MBD5: variants seen among roughly 807,000 people sequenced by gnomAD.
MBD5 encodes the protein methyl-CpG binding domain protein 5, also known as methyl-CpG-binding domain protein 5.
A neutral mutation model predicts 117.3 loss-of-function variants in MBD5; 13 were observed. The observed-to-expected ratio is 0.11, with a 90% CI of 0.07 to 0.18. MBD5 has a LOEUF of 0.18. Among genes scored for constraint, MBD5 ranks in the 10% least tolerant of loss-of-function variants. The pLI is 1.00. For missense variants in MBD5, 1,879 were observed against 2,093.8 expected (o/e 0.90, Z 2.00); for synonymous variants, 727 against 766.4 (o/e 0.95, Z 0.85).
chr2:148,029,797 T>G (rs775686529), intron 1 of MBD5, among the ~76,000 whole-genome samples: 5 of 151,776 alleles, frequency 3.3e-5, no homozygotes, highest in African/African-American at 7.3e-5. Flanking sequence ...CTTGAATGAC[T>G]AAATCTACAC....
intron 1 of MBD5, among the ~76,000 whole-genome samples, chr2:148,153,971 C>T (rs1240127240): frequency 8.8e-5 from 11 of 125,618 alleles, no homozygotes; most frequent in South Asian, 6.4e-4. Context: ...AGCTTTGTTC[C>T]GTTGCTGGTG....
rs1231533222 is a variant in MBD5, at chr2:148,222,071, G to A, written c.-830-11174G>A. On this transcript the variant is annotated intron_variant, in intron 2 of 13. Transcript: ENST00000642680. ...TTTGTTGAAAATGAGTTTACTGTAG[G>A]TGTGTGAATTTGTTTCTGGGTTCTC... 4.6e-5 allele frequency among the ~76,000 whole-genome samples: 7 copies of A among 152,120 alleles called. No homozygotes were observed. In the East Asian group the frequency reaches 1.4e-3, roughly 29 times the overall value.
At chr2:148,197,818 G>GT (rs11389519) in intron 2 of MBD5, among the ~76,000 whole-genome samples, 44,131 of 102,504 alleles carry the variant, frequency 0.43, 8,389 homozygotes, top group East Asian at 0.52. Flanking sequence ...TTTTTTTTTT[G>GT]TTTTTTTTTT....
At chr2:148,260,062 G>T (rs908054525) in intron 3 of MBD5, among the ~76,000 whole-genome samples, 5 of 152,282 alleles carry the variant, frequency 3.3e-5, no homozygotes, top group Non-Finnish European at 5.9e-5. Context: ...GTCTGTGGCA[G>T]TTCTTTAAAA....
At chr2:148,216,104 TA>T (rs1558976193) in intron 2 of MBD5, among the ~76,000 whole-genome samples, 1 of 152,174 alleles carries the variant, frequency 6.6e-6, no homozygotes, top group South Asian at 2.1e-4. Context: ...CTGGAGTTTC[TA>T]ATGCAATTGG....
chr2:148,353,520 A>G (rs1387142753), intron 4 of MBD5, among the ~76,000 whole-genome samples: 1 of 152,134 alleles, frequency 6.6e-6, no homozygotes, highest in Non-Finnish European at 1.5e-5. Context: ...TAAAGGAAGC[A>G]TTATATACTC....
At position 148,470,451 on chromosome 2, in the gene MBD5, T is replaced by C. The variant is rs774599288; in HGVS notation, c.2508T>C (p.Ser836=). The C allele has an allele frequency of 3.8e-6, 6 of 1,599,080 alleles. No individual in the cohort carries two copies. The highest frequency in any genetic ancestry group is 5.1e-6 in the Non-Finnish European group (6 of 1,172,204). The change falls in exon 8 of 14, where the codon AGT becomes AGC. Residue 836 remains serine (S), a synonymous_variant. Transcript: ENST00000642680. ...TTGTTAGCAGCTATAATCAAACAAGTTCTGAAGCAGGTATGGTTTTATTAG... is the reference window on the plus strand; with the variant it reads ...TTGTTAGCAGCTATAATCAAACAAGCTCTGAAGCAGGTATGGTTTTATTAG... The part of the protein sequence containing the change: ...NSIVSSYNQT[S]SEAGGSGPSS...
intron 4 of MBD5, among the ~76,000 whole-genome samples, chr2:148,441,880 G>T (rs1306284069): frequency 6.6e-6 from 1 of 152,124 alleles, no homozygotes. Context: ...TTTTTCATGT[G>T]TCTTTTGGCT....
intron 4 of MBD5, among the ~76,000 whole-genome samples, chr2:148,428,854 T>C (rs944570978): frequency 1.3e-5 from 2 of 152,150 alleles, no homozygotes; most frequent in African/African-American, 4.8e-5. Context: ...TCAAGATGGA[T>C]TAAAGACTTA....
chr2:148,087,468 C>T (rs1353936170), intron 1 of MBD5, among the ~76,000 whole-genome samples: 1 of 152,244 alleles, frequency 6.6e-6, no homozygotes, highest in Admixed American at 6.5e-5. Flanking sequence ...GTCTACTTCA[C>T]TCCCTGCCAC....
chr2:148,480,011 C>T (rs1021185180), intron 8 of MBD5, among the ~76,000 whole-genome samples: 1 of 151,862 alleles, frequency 6.6e-6, no homozygotes, highest in Non-Finnish European at 1.5e-5. Context: ...CTTTCTTTAC[C>T]TAAACTCTTA....
Position 148,500,485 on chromosome 2 carries a change from A to G in MBD5, c.4963-1951A>G, listed in dbSNP as rs928314921. 6.6e-5 allele frequency among the ~76,000 whole-genome samples: 10 copies of G among 152,304 alleles called. No homozygotes were observed. The South Asian group carries it at 8.3e-4, about 13-fold the overall frequency. On this transcript the variant is annotated intron_variant, in intron 11 of 13. Coordinates refer to ENST00000642680, the MANE Select transcript of MBD5 (RefSeq NM_001378120.1). The stretch of plus-strand genomic sequence containing the variant: ...TTGCAGTAGTATCATATTAAATGAT[A>G]AAACAGTGCCTTTTACATAATAAAT...
intron 4 of MBD5, among the ~76,000 whole-genome samples, chr2:148,387,266 A>G (rs961125278): frequency 2.7e-4 from 41 of 152,308 alleles, no homozygotes; most frequent in African/African-American, 9.4e-4. Flanking sequence ...ATTAGGGAGG[A>G]AAATTATTTA....
intron 1 of MBD5, among the ~76,000 whole-genome samples, chr2:148,085,265 T>C (rs1267232787): frequency 3.3e-5 from 5 of 152,238 alleles, no homozygotes; most frequent in Non-Finnish European, 2.9e-5. Context: ...TTGTGGTTGA[T>C]TGTTGCTAAT....
intron 3 of MBD5, chr2:148,243,996 G>A (rs989817011): frequency 6.0e-5 from 9 of 151,118 alleles, no homozygotes; most frequent in Admixed American, 4.6e-4. Flanking sequence ...CTGGAACATA[G>A]TAGGTGTTCA....
At chr2:148,210,284 G>A (rs1699388037) in intron 2 of MBD5, among the ~76,000 whole-genome samples, 1 of 151,934 alleles carries the variant, frequency 6.6e-6, no homozygotes, top group Non-Finnish European at 1.5e-5. Context: ...CTTCATTTAT[G>A]TATACCCTAC....
At chr2:148,106,948 C>A (rs995753962) in intron 1 of MBD5, among the ~76,000 whole-genome samples, 8 of 151,722 alleles carry the variant, frequency 5.3e-5, no homozygotes, top group African/African-American at 1.9e-4. Context: ...CATATTTTTT[C>A]TTGTCATTCC....
chr2:148,305,910 T>C (rs1701879015), intron 3 of MBD5, among the ~76,000 whole-genome samples: 1 of 152,144 alleles, frequency 6.6e-6, no homozygotes. Context: ...CACTATAGTT[T>C]TCCAGTGAAA....
At chr2:148,225,481 G>A (rs766337735) in intron 2 of MBD5, among the ~76,000 whole-genome samples, 3 of 151,828 alleles carry the variant, frequency 2.0e-5, no homozygotes, top group Admixed American at 1.3e-4. Flanking sequence ...TTTAAGATAG[G>A]AGTAGTCTAC....
Sources: allele counts gnomAD v4.1 joint callset (sites outside exome capture counted in the v4.1 genomes callset), GRCh38; gene constraint gnomAD v4.1.1; transcripts MANE v1.5; gene names NCBI Gene and HGNC (gene_info 2026-07-23, HGNC 2026-07-21).